AGPS: variants seen among roughly 807,000 people sequenced by gnomAD.
The protein encoded by AGPS is alkylglycerone phosphate synthase.
AGPS carries 26 observed loss-of-function variants against 90.7 expected under a neutral mutation model. The ratio of observed to expected loss-of-function variants is 0.29; its 90% CI spans 0.21 to 0.40. The LOEUF is 0.40. AGPS is among the 10% of genes least tolerant of loss of function. The probability of loss-of-function intolerance (pLI) is 1.00; values close to 1 mark genes in which losing one functional copy is unlikely to be tolerated. For synonymous variants in AGPS, 294 were observed against 285.3 expected (o/e 1.03, Z -0.31); for missense variants, 540 against 816.1 (o/e 0.66, Z 4.12).
At chr2:177,495,507 T>C (rs540338757) in intron 12 of AGPS, among the ~76,000 whole-genome samples, 5 of 152,302 alleles carry the variant, frequency 3.3e-5, no homozygotes, top group Admixed American at 1.3e-4. Flanking sequence ...AAAATATAGA[T>C]AATTAATAAA....
intron 17 of AGPS, among the ~76,000 whole-genome samples, chr2:177,517,530 A>G (rs763261058): frequency 6.6e-6 from 1 of 152,128 alleles, no homozygotes; most frequent in Non-Finnish European, 1.5e-5. Flanking sequence ...ACTGATCACC[A>G]CGTTTCATCT....
At chr2:177,453,374 C>T (rs1193278551) in intron 8 of AGPS, among the ~76,000 whole-genome samples, 2 of 151,520 alleles carry the variant, frequency 1.3e-5, no homozygotes, top group Admixed American at 6.6e-5. Flanking sequence ...CAGGTTCAAG[C>T]GATTCTCCTG....
chr2:177,416,728 A>C (rs760328790), intron 1 of AGPS, among the ~76,000 whole-genome samples: 3 of 151,618 alleles, frequency 2.0e-5, no homozygotes, highest in Non-Finnish European at 4.4e-5. Flanking sequence ...ATGGGGTTTC[A>C]CTATATTAGC....
At chr2:177,428,092 G>A (rs1686132695) in intron 2 of AGPS, among the ~76,000 whole-genome samples, 2 of 152,098 alleles carry the variant, frequency 1.3e-5, no homozygotes, top group South Asian at 4.1e-4. Flanking sequence ...GCTCTTCTTT[G>A]TCTTTTTTGG....
chr2:177,393,073 G>GTTA, intron 1 of AGPS, 24 bp downstream of exon 1: 1 of 1,550,366 alleles, frequency 6.5e-7, no homozygotes, highest in Non-Finnish European at 8.7e-7. Context: ...TGTGGAAGGA[G>GTTA]TTAGCGTCGA....
Position 177,541,079 on chromosome 2 carries a change from T to C in AGPS, c.*2884T>C, listed in dbSNP as rs1262824563. On this transcript the variant is annotated 3_prime_UTR_variant, in exon 20 of 20. Transcript: ENST00000264167. ...TAGGAGTTTTCTTCCTAAAAGTGCT[T>C]ACATATTGTAGTACTATTACTTAAA... 6.6e-6 allele frequency: 1 copy of C among 152,282 alleles called. No homozygotes were observed. The highest frequency in any genetic ancestry group is 1.9e-4 in the East Asian group (1 of 5,188). 9.4% of individuals were successfully genotyped at this position (152,282 alleles called of 1,614,324 possible).
intron 1 of AGPS, among the ~76,000 whole-genome samples, chr2:177,399,891 A>T (rs1452385732): frequency 6.6e-6 from 1 of 152,116 alleles, no homozygotes; most frequent in South Asian, 2.1e-4. Context: ...TCAGAGTATT[A>T]TGTTTGTGAT....
intron 1 of AGPS, among the ~76,000 whole-genome samples, chr2:177,397,467 CA>C (rs1174329964): frequency 6.7e-6 from 1 of 148,684 alleles, no homozygotes; most frequent in East Asian, 2.0e-4. Context: ...GGATTTTTTT[CA>C]GTTTTTTTTT....
chr2:177,449,203 T>C (rs980907559), intron 8 of AGPS, among the ~76,000 whole-genome samples: 1 of 152,238 alleles, frequency 6.6e-6, no homozygotes, highest in Non-Finnish European at 1.5e-5. Context: ...TTTCGGTAAG[T>C]AACTGGAAAT....
intron 9 of AGPS, among the ~76,000 whole-genome samples, chr2:177,464,104 G>A (rs747063388): frequency 1.6e-4 from 24 of 152,098 alleles, no homozygotes; most frequent in Non-Finnish European, 3.1e-4. Flanking sequence ...ACCATGCCCA[G>A]CTAATTTTGT....
intron 14 of AGPS, among the ~76,000 whole-genome samples, chr2:177,502,025 A>T (rs1485691124): frequency 6.6e-6 from 1 of 152,156 alleles, no homozygotes; most frequent in Non-Finnish European, 1.5e-5. Flanking sequence ...ATATGTCACT[A>T]TCCATTTACC....
chr2:177,472,023 G>T (rs1267993744), intron 10 of AGPS, among the ~76,000 whole-genome samples: 1 of 151,468 alleles, frequency 6.6e-6, no homozygotes, highest in Non-Finnish European at 1.5e-5. Flanking sequence ...GGGTTATTTT[G>T]CTTCAGCACC....
intron 8 of AGPS, among the ~76,000 whole-genome samples, chr2:177,456,660 G>A (rs1360273702): frequency 1.3e-5 from 2 of 152,122 alleles, no homozygotes; most frequent in Non-Finnish European, 2.9e-5. Flanking sequence ...GTACCTGCTT[G>A]TAATTGGAGA....
chr2:177,480,223 C>T (rs573249157), intron 10 of AGPS, among the ~76,000 whole-genome samples: 90 of 152,266 alleles, frequency 5.9e-4, no homozygotes, highest in Admixed American at 9.8e-4. Context: ...AATCCCATTA[C>T]TGGGTATATA....
chr2:177,460,949 C>A (rs949859160), intron 8 of AGPS, among the ~76,000 whole-genome samples: 4 of 152,162 alleles, frequency 2.6e-5, no homozygotes, highest in Non-Finnish European at 4.4e-5. Context: ...TTATATTTAA[C>A]CTAATAGGCT....
At chr2:177,442,342 G>C in intron 6 of AGPS, 65 bp from the exon 7 acceptor site, 1 of 1,235,374 alleles carries the variant, frequency 8.1e-7, no homozygotes. Context: ...TGAGGGATTT[G>C]CCATAGAAAT....
At chr2:177,518,767 T>C (rs1309250076) in intron 17 of AGPS, among the ~76,000 whole-genome samples, 2 of 150,510 alleles carry the variant, frequency 1.3e-5, no homozygotes, top group South Asian at 2.1e-4. Flanking sequence ...TTATTGTCAT[T>C]ATTCACTTTG....
chr2:177,425,485 G>A (rs1245756839), intron 2 of AGPS, among the ~76,000 whole-genome samples: 2 of 152,000 alleles, frequency 1.3e-5, no homozygotes, highest in African/African-American at 4.8e-5. Context: ...GCAGGGCATG[G>A]TGGCGCATGC....
intron 1 of AGPS, among the ~76,000 whole-genome samples, chr2:177,400,922 CTG>C (rs1559030730): frequency 6.6e-6 from 1 of 152,308 alleles, no homozygotes; most frequent in Non-Finnish European, 1.5e-5. Context: ...CTTGAACTAA[CTG>C]TATAGGAATC....
Sources: allele counts gnomAD v4.1 joint callset (sites outside exome capture counted in the v4.1 genomes callset), GRCh38; gene constraint gnomAD v4.1.1; transcripts MANE v1.5; gene names NCBI Gene and HGNC (gene_info 2026-07-23, HGNC 2026-07-21).